MORC1: variants seen among roughly 807,000 people sequenced by gnomAD.
MORC1 encodes the protein MORC family CW-type zinc finger protein 1.
A neutral mutation model predicts 134.9 loss-of-function variants in MORC1; 59 were observed. That is an observed-to-expected ratio of 0.44 (90% CI 0.35 to 0.54). The LOEUF (loss-of-function observed/expected upper bound fraction) is 0.54. Among genes scored for constraint, MORC1 ranks in the 20% least tolerant of loss-of-function variants. The pLI, the probability that MORC1 is intolerant of heterozygous loss-of-function variation, is 0.00. For missense variants in MORC1, 947 were observed against 1,134.5 expected (o/e 0.83, Z 2.37); for synonymous variants, 395 against 391.7 (o/e 1.01, Z -0.10).
intron 8 of MORC1, among the ~76,000 whole-genome samples, chr3:109,092,527 G>C (rs959009325): frequency 1.1e-4 from 16 of 151,862 alleles, no homozygotes; most frequent in Non-Finnish European, 1.6e-4. Context: ...CATATGTGCT[G>C]TATGTTGCAA....
intron 20 of MORC1, among the ~76,000 whole-genome samples, chr3:109,003,390 T>TACACACAC (rs755055699): frequency 1.7e-5 from 1 of 60,500 alleles, no homozygotes; most frequent in East Asian, 1.0e-3. Flanking sequence ...TATATGTGTA[T>TACACACAC]GCACACACAC....
At chr3:109,004,683 A>T in intron 20 of MORC1, 134 bp downstream of exon 20, 1 of 837,376 alleles carries the variant, frequency 1.2e-6, no homozygotes, top group Non-Finnish European at 1.9e-6. Context: ...CAGAACCTTG[A>T]TTACAGGGTA....
chr3:109,086,058 G>A (rs992898618), intron 8 of MORC1, among the ~76,000 whole-genome samples: 7 of 152,150 alleles, frequency 4.6e-5, no homozygotes, highest in Non-Finnish European at 7.4e-5. Flanking sequence ...CATTAAGATA[G>A]AGAGTAGAAT....
chr3:109,099,703 G>T (rs963990113), intron 5 of MORC1, among the ~76,000 whole-genome samples: 1 of 151,944 alleles, frequency 6.6e-6, no homozygotes, highest in Admixed American at 6.5e-5. Flanking sequence ...TCCATTCAGG[G>T]CTCAAAAGAA....
At chr3:109,098,228 T>C (rs1019606192) in intron 6 of MORC1, among the ~76,000 whole-genome samples, 20 of 152,080 alleles carry the variant, frequency 1.3e-4, no homozygotes, top group Admixed American at 2.0e-4. Flanking sequence ...GTTAATATTG[T>C]TGTTAAGAGG....
At chr3:108,969,818 C>A in intron 25 of MORC1, 96 bp from the exon 26 acceptor site, 1 of 1,246,942 alleles carries the variant, frequency 8.0e-7, no homozygotes, top group Non-Finnish European at 1.2e-6. Flanking sequence ...GTATAAAAAG[C>A]ATCAAAGCCT....
Position 109,054,825 on chromosome 3 carries a change from G to A in MORC1, c.1233C>T (p.Ser411=). 2 of 1,607,610 alleles carry A rather than the reference G, an allele frequency of 1.2e-6. No homozygotes were observed. Among genetic ancestry groups the A allele is most frequent in the Non-Finnish European group, 1.7e-6 (2 of 1,178,446 alleles). ...VNIPLEVMEP[S]HNKQEFLNVQ... ...CATTGAGAAATTCCTGTTTATTATG[G>A]GATGGTTCCATGACCTCCAAGGGTA... The change falls in exon 14 of 28, where the codon TCC becomes TCT. Residue 411 remains serine, a synonymous_variant. Transcript: ENST00000232603.
chr3:108,984,544 T>TGA (rs1553743439), intron 23 of MORC1, among the ~76,000 whole-genome samples, 172 bp downstream of exon 23: 1 of 151,900 alleles, frequency 6.6e-6, no homozygotes, highest in Non-Finnish European at 1.5e-5. Flanking sequence ...TGAAAAGGTT[T>TGA]GGGGGTAAGG....
rs892472188 is a variant in MORC1, at chr3:109,100,793, C to CT, written c.224-287dup. Among the ~76,000 whole-genome samples the CT allele has an allele frequency of 2.0e-4, 30 of 151,832 alleles. No homozygotes were observed. The East Asian group carries it at 2.7e-3, about 14-fold the overall frequency. On this transcript the variant is annotated intron_variant, in intron 4 of 27. Coordinates refer to ENST00000232603, the MANE Select transcript of MORC1 (RefSeq NM_014429.4). ...TGCGTCTGGACTGACCACGTACAGA[C>CT]TTTTTTTTTGTCATTATTCTCTAAA...
intron 17 of MORC1, among the ~76,000 whole-genome samples, chr3:109,027,490 G>C (rs1480426385): frequency 2.6e-5 from 4 of 152,082 alleles, no homozygotes; most frequent in Non-Finnish European, 5.9e-5. Context: ...ATGTGCAGCT[G>C]TGGAGTAGAA....
At chr3:108,972,994 G>A (rs1421847205) in intron 24 of MORC1, among the ~76,000 whole-genome samples, 5 of 152,100 alleles carry the variant, frequency 3.3e-5, no homozygotes, top group Non-Finnish European at 7.4e-5. Flanking sequence ...TTCAATCTGT[G>A]GCATCTCTAT....
chr3:109,002,600 C>T (rs4141603), intron 20 of MORC1, among the ~76,000 whole-genome samples: 64,320 of 152,080 alleles, frequency 0.42, 14,324 homozygotes, highest in Middle Eastern at 0.55. Flanking sequence ...CTTTATCTCT[C>T]GGTAAGAAAG....
intron 17 of MORC1, 114 bp downstream of exon 17, chr3:109,027,637 C>A: frequency 7.3e-7 from 1 of 1,365,528 alleles, no homozygotes; most frequent in Admixed American, 2.0e-5. Context: ...TCAAAAAGGA[C>A]AGGAAAAAGA....
At position 108,959,034 on chromosome 3, in the gene MORC1, T is replaced by C; in HGVS notation, c.2886A>G (p.Leu962=). Reference sequence around the variant, plus strand: ...GTCTTGCATCTATAGTTACTTTATTTAAATTGTTCTGGAAGAGAAGATTAT... The same window carrying C: ...GTCTTGCATCTATAGTTACTTTATTCAAATTGTTCTGGAAGAGAAGATTAT... ...KEDNLLFQNN[L]NKVTIDARHR... The change falls in exon 28 of 28, where the codon TTA becomes TTG. Residue 962 remains leucine, a synonymous_variant. Transcript: ENST00000232603. The C allele has an allele frequency of 6.4e-7, 1 of 1,558,310 alleles. No homozygotes were observed. Among genetic ancestry groups the C allele is most frequent in the South Asian group, 1.2e-5 (1 of 82,674 alleles).
chr3:109,073,388 A>G (rs1169615345), intron 8 of MORC1, among the ~76,000 whole-genome samples: 5 of 122,822 alleles, frequency 4.1e-5, no homozygotes, highest in Non-Finnish European at 6.9e-5. Context: ...AAAGCTACCC[A>G]GGTGATTCCT....
At chr3:109,032,280 T>C (rs1158995791) in intron 16 of MORC1, among the ~76,000 whole-genome samples, 2 of 152,178 alleles carry the variant, frequency 1.3e-5, no homozygotes, top group South Asian at 4.1e-4. Context: ...TTTTCCTGTT[T>C]TAGTCTGAAC....
chr3:108,976,077 C>A (rs557787759), intron 24 of MORC1, among the ~76,000 whole-genome samples: 1 of 152,178 alleles, frequency 6.6e-6, no homozygotes, highest in South Asian at 2.1e-4. Flanking sequence ...AGTCAACAAA[C>A]TAATACACAA....
intron 20 of MORC1, among the ~76,000 whole-genome samples, chr3:109,002,523 A>G (rs1267239388): frequency 1.3e-5 from 2 of 152,194 alleles, no homozygotes; most frequent in Admixed American, 6.5e-5. Context: ...AAGAGCATAC[A>G]CTGGGCTTGC....
chr3:109,027,124 CCAACAGGCTTCACATTTAAAAAAT>C (rs1949094884), intron 17 of MORC1, among the ~76,000 whole-genome samples: 2 of 152,106 alleles, frequency 1.3e-5, no homozygotes, highest in African/African-American at 4.8e-5. Flanking sequence ...TTTGAGGAAG[CCAACAGGCTTCACATTTAAAAAAT>C]GATGAATTTA....
Sources: allele counts gnomAD v4.1 joint callset (sites outside exome capture counted in the v4.1 genomes callset), GRCh38; gene constraint gnomAD v4.1.1; transcripts MANE v1.5; gene names NCBI Gene and HGNC (gene_info 2026-07-23, HGNC 2026-07-21).